Variants in KIAA1328 observed in about 807,000 individuals in gnomAD.
KIAA1328 encodes KIAA1328, also known as protein hinderin.
A neutral mutation model predicts 68.1 loss-of-function variants in KIAA1328; 52 were observed. The observed-to-expected ratio is 0.76, with a 90% CI of 0.61 to 0.96. The LOEUF is 0.96. Among genes scored for constraint, KIAA1328 ranks in the 40% least tolerant of loss-of-function variants. The pLI is 0.00. For missense variants in KIAA1328, 641 were observed against 677.6 expected, an observed-to-expected ratio of 0.95 and a Z score of 0.60; for synonymous variants, 232 against 239.4, an observed-to-expected ratio of 0.97 and a Z score of 0.28.
At chr18:37,116,059 C>G (rs1412542767) in intron 7 of KIAA1328, among the ~76,000 whole-genome samples, 1 of 152,170 alleles carries the variant, frequency 6.6e-6, no homozygotes, top group African/African-American at 2.4e-5. Flanking sequence ...CAGGAAAAAT[C>G]AATATCATGA....
At chr18:37,202,150 A>G (rs2060126923) in intron 9 of KIAA1328, among the ~76,000 whole-genome samples, 2 of 151,982 alleles carry the variant, frequency 1.3e-5, no homozygotes, top group African/African-American at 2.4e-5. Context: ...TTTTTTTTTA[A>G]CAAAAGCATA....
intron 7 of KIAA1328, among the ~76,000 whole-genome samples, chr18:37,130,910 C>A (rs997665853): frequency 3.9e-5 from 6 of 152,090 alleles, no homozygotes; most frequent in Non-Finnish European, 7.4e-5. Context: ...TGTTCCAGGG[C>A]TTTGTGCTCC....
At chr18:36,941,449 G>C (rs1430030843) in intron 5 of KIAA1328, among the ~76,000 whole-genome samples, 1 of 152,016 alleles carries the variant, frequency 6.6e-6, no homozygotes, top group Non-Finnish European at 1.5e-5. Context: ...ACAAAAACCA[G>C]CCAGGCCTGG....
At chr18:37,044,797 TC>T (rs1164828009) in intron 6 of KIAA1328, among the ~76,000 whole-genome samples, 2 of 105,340 alleles carry the variant, frequency 1.9e-5, no homozygotes, top group Non-Finnish European at 2.0e-5. Flanking sequence ...AGACTCCGGC[TC>T]AAAAAAAAAA....
intron 6 of KIAA1328, among the ~76,000 whole-genome samples, chr18:37,036,727 G>C (rs1297757751): frequency 2.0e-5 from 3 of 152,146 alleles, no homozygotes; most frequent in African/African-American, 7.2e-5. Flanking sequence ...TGCAAGTTCA[G>C]CTTTGTGTTG....
chr18:37,032,841 A>C (rs577769435), intron 6 of KIAA1328, among the ~76,000 whole-genome samples: 85 of 152,144 alleles, frequency 5.6e-4, no homozygotes, highest in Non-Finnish European at 9.3e-4. Flanking sequence ...GGGTTTCTCC[A>C]TGTTGGTCAG....
chr18:37,225,832 C>T (rs2060632695), downstream of KIAA1328, among the ~76,000 whole-genome samples: 1 of 152,160 alleles, frequency 6.6e-6, no homozygotes, highest in African/African-American at 2.4e-5. Flanking sequence ...CAGGCTGGCA[C>T]CTGCACCTGA....
At chr18:36,969,917 G>A (rs1363998016) in intron 6 of KIAA1328, among the ~76,000 whole-genome samples, 1 of 150,250 alleles carries the variant, frequency 6.7e-6, no homozygotes, top group Admixed American at 6.6e-5. Context: ...ACACTATTCT[G>A]AACAACAGAA....
intron 5 of KIAA1328, among the ~76,000 whole-genome samples, chr18:36,910,076 G>C (rs1202250810): frequency 6.6e-6 from 1 of 152,268 alleles, no homozygotes; most frequent in South Asian, 2.1e-4. Context: ...TAGGTTGCCT[G>C]TTCACTCTGA....
intron 6 of KIAA1328, among the ~76,000 whole-genome samples, chr18:37,003,740 A>G (rs1007295827): frequency 6.6e-6 from 1 of 152,018 alleles, no homozygotes; most frequent in African/African-American, 2.4e-5. Flanking sequence ...TAAGTCCTTG[A>G]TCTGTCTTGA....
At chr18:36,892,081 C>T (rs1262770423) in intron 5 of KIAA1328, among the ~76,000 whole-genome samples, 1 of 152,078 alleles carries the variant, frequency 6.6e-6, no homozygotes, top group Non-Finnish European at 1.5e-5. Flanking sequence ...AACTATATAT[C>T]TCATCCCTGC....
chr18:36,843,147 C>T (rs1383886233), intron 3 of KIAA1328, among the ~76,000 whole-genome samples: 2 of 152,066 alleles, frequency 1.3e-5, no homozygotes, highest in African/African-American at 4.8e-5. Context: ...TTATGATTTT[C>T]TCTAGTTTGA....
intron 9 of KIAA1328, among the ~76,000 whole-genome samples, chr18:37,204,052 T>C (rs904332737): frequency 7.9e-5 from 12 of 152,116 alleles, no homozygotes; most frequent in African/African-American, 2.9e-4. Context: ...CCTTGTGATC[T>C]GCCCGCCTCG....
At chr18:37,056,936 C>A (rs970545475) in intron 6 of KIAA1328, among the ~76,000 whole-genome samples, 1 of 152,204 alleles carries the variant, frequency 6.6e-6, no homozygotes, top group African/African-American at 2.4e-5. Flanking sequence ...AGCCACCACG[C>A]CCAGCCTATA....
intron 6 of KIAA1328, among the ~76,000 whole-genome samples, chr18:37,025,686 A>C (rs150307301): frequency 6.6e-6 from 1 of 152,322 alleles, no homozygotes; most frequent in African/African-American, 2.4e-5. Context: ...GAGAACAAAG[A>C]CAAAACATAC....
At chr18:36,915,591 T>C (rs770421958) in intron 5 of KIAA1328, among the ~76,000 whole-genome samples, 11 of 152,096 alleles carry the variant, frequency 7.2e-5, no homozygotes, top group Non-Finnish European at 1.5e-4. Flanking sequence ...CTTTACTCAT[T>C]AGGGAAATGC....
chr18:36,938,761 A>G (rs11661504), intron 5 of KIAA1328, among the ~76,000 whole-genome samples: 2 of 152,074 alleles, frequency 1.3e-5, no homozygotes, highest in East Asian at 1.9e-4. Context: ...ATCTTTGTAT[A>G]TGGTGAGAGA....
chr18:37,143,717 C>G (rs1476664705), intron 7 of KIAA1328, among the ~76,000 whole-genome samples: 3 of 151,752 alleles, frequency 2.0e-5, no homozygotes, highest in Non-Finnish European at 4.4e-5. Context: ...TCCTTTTATT[C>G]CTAGTTTACT....
chr18:37,216,964 C>G (rs2060451395), intron 9 of KIAA1328, among the ~76,000 whole-genome samples: 1 of 142,418 alleles, frequency 7.0e-6, no homozygotes, highest in Non-Finnish European at 1.5e-5. Flanking sequence ...GGATTGCAAC[C>G]CCTGCTTTTT....
Sources: allele counts gnomAD v4.1 joint callset (sites outside exome capture counted in the v4.1 genomes callset), GRCh38; gene constraint gnomAD v4.1.1; transcripts MANE v1.5; gene names NCBI Gene and HGNC (gene_info 2026-07-23, HGNC 2026-07-21).